The following IQSEC1 variants were observed in gnomAD, a reference collection of about 807,000 sequenced individuals.
IQSEC1 encodes the protein IQ motif and SEC7 domain-containing protein 1.
In IQSEC1, 31 loss-of-function variants were observed where a neutral mutation model predicts 91.0. The observed-to-expected ratio is 0.34, with a 90% CI of 0.26 to 0.46. The LOEUF (loss-of-function observed/expected upper bound fraction) is 0.46, where lower values mean the gene tolerates loss of function less well. Ranked by LOEUF, IQSEC1 falls within the 20% of genes least tolerant of loss-of-function variation. The pLI is 1.00. For synonymous variants in IQSEC1, 699 were observed against 662.6 expected, an observed-to-expected ratio of 1.05 and a Z score of -0.84; for missense variants, 1,388 against 1,575.6, an observed-to-expected ratio of 0.88 and a Z score of 2.02.
chr3:13,167,159 C>A lies in IQSEC1; in HGVS notation c.273-3026G>T, dbSNP rs915556776. 9.8e-5 allele frequency among the ~76,000 whole-genome samples: 15 copies of A among 152,292 alleles called. No homozygotes were observed. The East Asian group carries it at 2.3e-3, about 23-fold the overall frequency. Reference sequence around the variant, plus strand: ...GCAGATGGTCAGGAGCATCCTGGAGCCTTCTCGTTCCTGCAGATGAAGCTG... The same window carrying A: ...GCAGATGGTCAGGAGCATCCTGGAGACTTCTCGTTCCTGCAGATGAAGCTG... On this transcript the variant is annotated intron_variant, in intron 1 of 15. Transcript: ENST00000648114.
At chr3:13,060,370 A>G (rs2125086430) in intron 1 of IQSEC1, among the ~76,000 whole-genome samples, 1 of 152,058 alleles carries the variant, frequency 6.6e-6, no homozygotes, top group East Asian at 1.9e-4. Context: ...TGAGTCCTGC[A>G]GTGAACAGGC....
At chr3:13,118,518 G>T (rs1035397844) in intron 2 of IQSEC1, among the ~76,000 whole-genome samples, 1 of 152,200 alleles carries the variant, frequency 6.6e-6, no homozygotes, top group African/African-American at 2.4e-5. Flanking sequence ...CTACACGGAT[G>T]ACCTTGAGGA....
chr3:13,099,079 T>TATTGAAG lies in IQSEC1; in HGVS notation c.303-51564_303-51558dup, dbSNP rs1179300619. Reference sequence around the variant, plus strand: ...AGGCCGGGTGTCCCCAAAGAGGTGATATTGAAGCAGAGACCTGGGCTGAGC... The same window carrying TATTGAAG: ...AGGCCGGGTGTCCCCAAAGAGGTGATATTGAAGATTGAAGCAGAGACCTGGGCTGAGC... On this transcript the variant is annotated intron_variant, in intron 2 of 15. Coordinates refer to the IQSEC1 transcript ENST00000648114. Among the ~76,000 whole-genome samples, 3 of 152,232 alleles carry TATTGAAG rather than the reference T, an allele frequency of 2.0e-5. No homozygotes were observed. The East Asian group carries it at 5.8e-4, about 29-fold the overall frequency.
upstream of IQSEC1, among the ~76,000 whole-genome samples, chr3:13,075,036 G>A (rs909996427): frequency 6.6e-6 from 1 of 152,174 alleles, no homozygotes; most frequent in Non-Finnish European, 1.5e-5. Flanking sequence ...GACGCTTCCC[G>A]ATCTGCCCTC....
At chr3:13,130,292 C>T (rs867346452) in intron 2 of IQSEC1, among the ~76,000 whole-genome samples, 2 of 139,616 alleles carry the variant, frequency 1.4e-5, no homozygotes, top group African/African-American at 5.5e-5. Flanking sequence ...TGCAGTGAAC[C>T]GAGATTGTGC....
chr3:13,213,345 C>G (rs1694480453), intron 1 of IQSEC1, among the ~76,000 whole-genome samples: 1 of 152,234 alleles, frequency 6.6e-6, no homozygotes, highest in South Asian at 2.1e-4. Context: ...GGGTTGATTT[C>G]TGGATTCCCA....
chr3:13,050,267 A>G (rs1422364380), intron 1 of IQSEC1, among the ~76,000 whole-genome samples: 1 of 151,860 alleles, frequency 6.6e-6, no homozygotes, highest in Non-Finnish European at 1.5e-5. Context: ...GTCCTTTTTC[A>G]TCACTCAGCA....
At chr3:13,262,014 T>G (rs1384866214) in intron 1 of IQSEC1, among the ~76,000 whole-genome samples, 1 of 152,258 alleles carries the variant, frequency 6.6e-6, no homozygotes, top group African/African-American at 2.4e-5. Flanking sequence ...AAGCCATTTT[T>G]GCACTCACTG....
intron 1 of IQSEC1, among the ~76,000 whole-genome samples, chr3:13,000,719 C>T (rs893703200): frequency 6.6e-6 from 1 of 152,182 alleles, no homozygotes; most frequent in Non-Finnish European, 1.5e-5. Flanking sequence ...AGAGTAGGCA[C>T]TGTGGAGGGG....
Position 12,915,204 on chromosome 3 carries a change from T to G in IQSEC1, c.2161-71A>C, listed in dbSNP as rs1012879322. The G allele has an allele frequency of 3.4e-6, 5 of 1,489,234 alleles. No homozygotes were observed. In the Admixed American group the frequency reaches 7.5e-5, roughly 22 times the overall value. The allele number at this position is 1,489,234 out of a possible 1,614,324, so 92.3% of individuals were successfully genotyped here. On this transcript the variant is annotated intron_variant, in intron 7 of 13. Transcript: ENST00000613206. ...GCCACGCCCAGGCCAATGCTGCAAG[T>G]GCCCCTCCCTACACCTACCCTTGGG...
At chr3:13,004,233 A>G (rs1471250995) in intron 1 of IQSEC1, among the ~76,000 whole-genome samples, 5 of 152,212 alleles carry the variant, frequency 3.3e-5, no homozygotes, top group Non-Finnish European at 5.9e-5. Context: ...AGACACAGCC[A>G]GAGGGTAGGG....
intron 2 of IQSEC1, among the ~76,000 whole-genome samples, chr3:13,140,674 T>C (rs529171303): frequency 6.6e-6 from 1 of 152,110 alleles, no homozygotes; most frequent in Non-Finnish European, 1.5e-5. Flanking sequence ...TGAGAGACCA[T>C]GCGCGCCCCA....
chr3:13,258,165 G>A (rs995086982), intron 1 of IQSEC1, among the ~76,000 whole-genome samples: 2 of 152,194 alleles, frequency 1.3e-5, no homozygotes, highest in African/African-American at 2.4e-5. Flanking sequence ...GAACAAGCCC[G>A]TGGTGAACCA....
intron 1 of IQSEC1, among the ~76,000 whole-genome samples, chr3:13,032,551 GA>G (rs1375167369): frequency 6.6e-6 from 1 of 151,770 alleles, no homozygotes; most frequent in Non-Finnish European, 1.5e-5. Context: ...CCCATATTTT[GA>G]ACCAAGTAGA....
At chr3:13,087,403 T>G (rs1288974969) in intron 2 of IQSEC1, among the ~76,000 whole-genome samples, 4 of 151,906 alleles carry the variant, frequency 2.6e-5, no homozygotes, top group African/African-American at 9.7e-5. Context: ...AGCCCCAGAG[T>G]GTGTGCAGGA....
chr3:13,080,907 C>T (rs895228095), intron 2 of IQSEC1, among the ~76,000 whole-genome samples: 2 of 152,202 alleles, frequency 1.3e-5, no homozygotes, highest in Non-Finnish European at 2.9e-5. Flanking sequence ...AAGGGCTAAG[C>T]TTTATGCTCA....
At position 12,935,766 on chromosome 3, in the gene IQSEC1, G is replaced by A; in HGVS notation, c.1250C>T (p.Pro417Leu). 3.1e-6 allele frequency: 5 copies of A among 1,608,646 alleles called. No homozygotes were observed. Among genetic ancestry groups the A allele is most frequent in the Non-Finnish European group, 4.2e-6 (5 of 1,179,756 alleles). The change falls in exon 3 of 14, where the codon CCC becomes CTC. Residue 417 changes from proline (P) to leucine (L), a missense_variant. By Grantham distance (98) the Pro-to-Leu change is moderately conservative (BLOSUM62 -3). Coordinates refer to ENST00000613206, the MANE Select transcript of IQSEC1 (RefSeq NM_001134382.3). The surrounding 1 kb of genome is among the most constrained non-coding windows in gnomAD (Gnocchi z 8.0). Reference protein sequence around the residue: ...GPHSGAPKSLPREEPELRPRP... With the variant: ...GPHSGAPKSLLREEPELRPRP... The stretch of plus-strand genomic sequence containing the variant: ...GGGCCGCAACTCAGGCTCCTCCCGG[G>A]GGAGGCTCTTGGGGGCGCCGCTGTG...
At chr3:13,021,764 C>T (rs907591288) in intron 1 of IQSEC1, among the ~76,000 whole-genome samples, 1 of 152,226 alleles carries the variant, frequency 6.6e-6, no homozygotes, top group African/African-American at 2.4e-5. Context: ...CCTGTGCCAG[C>T]ATGTTATGTA....
At chr3:13,155,922 A>G (rs1319608478) in intron 2 of IQSEC1, among the ~76,000 whole-genome samples, 1 of 152,224 alleles carries the variant, frequency 6.6e-6, no homozygotes, top group Non-Finnish European at 1.5e-5. Context: ...CTTTTTCATA[A>G]TAAAAACACT....
Sources: gnomAD v4.1 joint callset for allele counts (sites outside exome capture counted in the v4.1 genomes callset) on GRCh38, gnomAD v4.1.1 for gene constraint, Gnocchi (gnomAD v3.1) non-coding constraint, MANE v1.5 for transcripts, NCBI Gene and HGNC (gene_info 2026-07-23, HGNC 2026-07-21) for gene names.